Variants in NEB observed in about 807,000 individuals in gnomAD.
NEB encodes nebulin.
A neutral mutation model predicts 952.2 loss-of-function variants in NEB; 512 were observed. That is an observed-to-expected ratio of 0.54 (90% CI 0.50 to 0.58). The LOEUF is 0.58. Ranked by LOEUF, NEB falls within the 20% of genes least tolerant of loss-of-function variation. The probability of loss-of-function intolerance (pLI) is 0.00; values close to 1 mark genes in which losing one functional copy is unlikely to be tolerated. For missense variants in NEB, 8,428 were observed against 9,231.1 expected, an observed-to-expected ratio of 0.91 and a Z score of 3.56; for synonymous variants, 2,900 against 3,149.8, an observed-to-expected ratio of 0.92 and a Z score of 2.66.
intron 53 of NEB, 69 bp from the exon 54 acceptor site, chr2:151,650,448 G>T: frequency 6.5e-7 from 1 of 1,542,930 alleles, no homozygotes; most frequent in Non-Finnish European, 8.9e-7. Flanking sequence ...GTGATTCTAT[G>T]CATTACAAAC....
At position 151,710,408 on chromosome 2, in the gene NEB, C is replaced by T. The variant is rs749555452; in HGVS notation, c.927+26G>A. ...AAAGGGGTCTCCCTCCCAGGATGAC[C>T]AACCAGCCATCCCTTCCCACTTAAC... On this transcript the variant is annotated intron_variant, in intron 11 of 181. Transcript: ENST00000397345. 2.6e-6 allele frequency: 4 copies of T among 1,518,922 alleles called. No individual in the cohort carries two copies. The South Asian group carries it at 3.5e-5, about 13-fold the overall frequency. The allele number at this position is 1,518,922 out of a possible 1,614,324, so 94.1% of individuals were successfully genotyped here.
At chr2:151,557,380 C>T (rs1194704262) in intron 124 of NEB, among the ~76,000 whole-genome samples, 1 of 152,130 alleles carries the variant, frequency 6.6e-6, no homozygotes, top group African/African-American at 2.4e-5. Flanking sequence ...TAATTAATAG[C>T]CTCCCAGCCA....
At chr2:151,532,877 C>T (rs1329728001) in intron 143 of NEB, among the ~76,000 whole-genome samples, 2 of 152,116 alleles carry the variant, frequency 1.3e-5, no homozygotes, top group Admixed American at 1.3e-4. Context: ...TTCAGTTGGC[C>T]TTCTAAAAAG....
intron 54 of NEB, among the ~76,000 whole-genome samples, chr2:151,646,841 G>T (rs114427517): frequency 6.6e-6 from 1 of 152,096 alleles, no homozygotes; most frequent in Non-Finnish European, 1.5e-5. Context: ...GTAGAAACAG[G>T]GTTTCGCTAC....
chr2:151,541,368 C>G (rs996439605), intron 136 of NEB, 79 bp downstream of exon 136: 11 of 1,030,096 alleles, frequency 1.1e-5, no homozygotes, highest in African/African-American at 3.2e-5. Context: ...GTGAGTCTGC[C>G]ACTGGCCAGG....
At chr2:151,500,700 T>A (rs996065229) in intron 168 of NEB, among the ~76,000 whole-genome samples, 1 of 150,032 alleles carries the variant, frequency 6.7e-6, no homozygotes, top group African/African-American at 2.4e-5. Context: ...AGGGTTCAGA[T>A]GAACCTCCCA....
rs200293825 is a variant in NEB, at chr2:151,518,302, G to A, written c.22800+16C>T. On this transcript the variant is annotated intron_variant, in intron 156 of 181. Transcript: ENST00000397345. ...TGAATGTGCGCCAGAGGAAAAATCG[G>A]TCTTGATCCACTTACTATACTCTGT... is the stretch of plus-strand genomic sequence containing the variant. The A allele has an allele frequency of 2.6e-5, 40 of 1,547,276 alleles. No individual in the cohort carries two copies. The Admixed American group carries it at 6.3e-4, about 25-fold the overall frequency.
chr2:151,555,889 A>G (rs1171073468), intron 124 of NEB, among the ~76,000 whole-genome samples: 2 of 151,204 alleles, frequency 1.3e-5, no homozygotes, highest in East Asian at 1.9e-4. Context: ...AAAAAAACAC[A>G]TACACACACA....
rs1052460005 is a variant in NEB at position 151,645,881 on chromosome 2, C to A, written c.7536+249G>T. Among the ~76,000 whole-genome samples the A allele has an allele frequency of 7.2e-5, 11 of 152,228 alleles. No individual in the cohort carries two copies. The South Asian group carries it at 2.3e-3, about 32-fold the overall frequency. On this transcript the variant is annotated intron_variant, in intron 55 of 181. Transcript: ENST00000397345. ...TCCACACTGGGAAGAGCAATATAAG[C>A]CACCTTATGATGATATGTATAACAA...
rs1161160388 is a variant in NEB, at chr2:151,490,303, C to T, written c.25297+69G>A. 8.6e-6 allele frequency: 13 copies of T among 1,518,610 alleles called. No individual in the cohort carries two copies. The African/African-American group carries it at 1.7e-4, about 19-fold the overall frequency. 94.1% of individuals were successfully genotyped at this position (1,518,610 alleles called of 1,614,324 possible). The stretch of plus-strand genomic sequence containing the variant: ...TTTAAATTTGTTTTTGTACTCAAAG[C>T]ATCTCTTATAGTAACCATCAATGAG... On this transcript the variant is annotated intron_variant, in intron 180 of 181. Coordinates refer to ENST00000397345, the MANE Select transcript of NEB (RefSeq NM_001164508.2).
At chr2:151,711,510 A>T (rs2099745244) in intron 10 of NEB, among the ~76,000 whole-genome samples, 1 of 152,216 alleles carries the variant, frequency 6.6e-6, no homozygotes, top group African/African-American at 2.4e-5. Context: ...GTTAGAGGAA[A>T]CTTAGCCCTC....
chr2:151,502,692 A>ATTATT (rs2153099430), intron 167 of NEB, 101 bp downstream of exon 167: 1 of 727,834 alleles, frequency 1.4e-6, no homozygotes, highest in East Asian at 2.7e-5. Context: ...ATTTGGTATC[A>ATTATT]TTATTTTCAT....
intron 71 of NEB, among the ~76,000 whole-genome samples, chr2:151,622,619 A>G (rs1204205824): frequency 6.6e-6 from 1 of 152,162 alleles, no homozygotes; most frequent in African/African-American, 2.4e-5. Flanking sequence ...CAATTGTTGA[A>G]CTGATTAAGA....
intron 54 of NEB, among the ~76,000 whole-genome samples, chr2:151,647,153 C>T (rs1331158602): frequency 1.3e-5 from 2 of 151,962 alleles, no homozygotes; most frequent in Non-Finnish European, 2.9e-5. Flanking sequence ...TCTTGTTGCC[C>T]ATGCTGGAGT....
chr2:151,571,397 T>G (rs74999312), intron 107 of NEB, among the ~76,000 whole-genome samples: 322 of 152,378 alleles, frequency 2.1e-3, no homozygotes, highest in Middle Eastern at 3.4e-3. Context: ...TGTTTTCTTG[T>G]GTTGGTGTAT....
In NEB at chr2:151,620,343, GTGTGTATATATATATATATATATA is replaced by G. The variant is rs1482384803; in HGVS notation, c.10560+552_10560+575del. Reference sequence around the variant, plus strand: ...AATTTTATTATATATATATGTATGTGTGTGTATATATATATATATATATATATATATATATATATATATATATAT... The same window carrying G: ...AATTTTATTATATATATATGTATGTGTATATATATATATATATATATATAT... On this transcript the variant is annotated intron_variant, in intron 72 of 181. Coordinates refer to ENST00000397345, the MANE Select transcript of NEB (RefSeq NM_001164508.2). 1.7e-3 allele frequency among the ~76,000 whole-genome samples: 84 copies of G among 48,898 alleles called. 3 individuals are homozygous for G. Among genetic ancestry groups the G allele is most frequent in the African/African-American group, 4.6e-3 (77 of 16,694 alleles). The allele number at this position is 48,898 out of a possible 152,430, so 32.1% of individuals were successfully genotyped here. A position where few individuals can be genotyped will look rare whatever the true frequency, so the allele number is the denominator to read the frequency against.
chr2:151,566,167 G>T (rs530701650), intron 114 of NEB, among the ~76,000 whole-genome samples: 2 of 152,280 alleles, frequency 1.3e-5, no homozygotes, highest in East Asian at 3.9e-4. Flanking sequence ...TACCAAGGAG[G>T]TTGTACTTTT....
chr2:151,633,620 T>A (rs751661672), intron 65 of NEB, 34 bp downstream of exon 65: 2 of 1,578,134 alleles, frequency 1.3e-6, no homozygotes, highest in South Asian at 2.3e-5. Context: ...AAATTATTTC[T>A]ATGCACAGCT....
chr2:151,568,450 A>C, intron 111 of NEB, 33 bp from the exon 112 acceptor site: 1 of 1,571,782 alleles, frequency 6.4e-7, no homozygotes, highest in Non-Finnish European at 8.8e-7. Flanking sequence ...CAAGGGGGCA[A>C]GTTACTTGTT....
Sources: allele counts gnomAD v4.1 joint callset (sites outside exome capture counted in the v4.1 genomes callset), GRCh38; gene constraint gnomAD v4.1.1; transcripts MANE v1.5; gene names NCBI Gene and HGNC (gene_info 2026-07-23, HGNC 2026-07-21).